The following CFAP61 variants were observed in gnomAD, a reference collection of about 807,000 sequenced individuals.
The protein encoded by CFAP61 is cilia- and flagella-associated protein 61.
In CFAP61, 107 loss-of-function variants were observed where a neutral mutation model predicts 135.6. The observed-to-expected ratio is 0.79, with a 90% CI of 0.67 to 0.93. The LOEUF is 0.93. Among genes scored for constraint, CFAP61 ranks in the 40% least tolerant of loss-of-function variants. The pLI is 0.00. For missense variants in CFAP61, 1,507 were observed against 1,556.2 expected, an observed-to-expected ratio of 0.97 and a Z score of 0.53; for synonymous variants, 575 against 578.5, an observed-to-expected ratio of 0.99 and a Z score of 0.09.
rs372529723 is a variant in CFAP61, at chr20:20,277,193, T to C, written c.2531T>C (p.Ile844Thr). The part of the protein sequence containing the change: ...EGNIIVYGNT[I>T]DTYTTVETLL... ...AATATCATTGTCTATGGGAATACAA[T>C]TGATACTTACACCACCGTGGAGACG... The change falls in exon 22 of 27, where the codon ATT (isoleucine) becomes ACT (threonine). Residue 844 changes from isoleucine (I) to threonine (T), a missense_variant. By Grantham distance (89) the Ile-to-Thr change is moderately conservative. Transcript: ENST00000245957. The C allele has an allele frequency of 4.3e-5, 69 of 1,612,748 alleles. No homozygotes were observed. The highest frequency in any genetic ancestry group is 5.4e-5 in the Non-Finnish European group (64 of 1,179,226).
At chr20:20,303,532 C>T (rs1259757589) in intron 25 of CFAP61, among the ~76,000 whole-genome samples, 2 of 152,070 alleles carry the variant, frequency 1.3e-5, no homozygotes, top group Non-Finnish European at 2.9e-5. Context: ...CATGCAGCTG[C>T]GACCACATTC....
At chr20:20,087,019 C>T (rs373519552) in intron 6 of CFAP61, among the ~76,000 whole-genome samples, 2 of 152,044 alleles carry the variant, frequency 1.3e-5, no homozygotes, top group African/African-American at 2.4e-5. Context: ...CTTCTAGAGA[C>T]AATAAGTAAA....
At chr20:20,062,515 C>T (rs185974147) in intron 2 of CFAP61, among the ~76,000 whole-genome samples, 4 of 151,534 alleles carry the variant, frequency 2.6e-5, no homozygotes, top group South Asian at 2.1e-4. Flanking sequence ...AGGACAAGAG[C>T]GCATATTAAT....
At chr20:20,258,819 A>G (rs1569205013) in intron 20 of CFAP61, among the ~76,000 whole-genome samples, 1 of 152,206 alleles carries the variant, frequency 6.6e-6, no homozygotes, top group African/African-American at 2.4e-5. Flanking sequence ...TGGAACTCTC[A>G]CCATACACTG....
At chr20:20,265,862 ATCCAGGTC>A (rs1450743765) in intron 21 of CFAP61, 3 of 199,788 alleles carry the variant, frequency 1.5e-5, no homozygotes, top group African/African-American at 7.1e-5. Flanking sequence ...CTTTTCTGTA[ATCCAGGTC>A]ATACTCAGAC....
intron 24 of CFAP61, 64 bp from the exon 25 acceptor site, chr20:20,298,117 A>T (rs1184371478): frequency 1.2e-5 from 14 of 1,161,140 alleles, no homozygotes; most frequent in South Asian, 1.0e-4. Flanking sequence ...AATTGCTATG[A>T]TAAAGTTCCC....
Position 20,359,390 on chromosome 20 carries a change from C to T in CFAP61, c.3514-820C>T, listed in dbSNP as rs976451060. Among the ~76,000 whole-genome samples the T allele has an allele frequency of 4.6e-5, 7 of 152,054 alleles. No individual in the cohort carries two copies. Among genetic ancestry groups the T allele is most frequent in the South Asian group, 4.2e-4 (2 of 4,800 alleles). On this transcript the variant is annotated intron_variant, in intron 26 of 26. Coordinates refer to ENST00000245957, the MANE Select transcript of CFAP61 (RefSeq NM_015585.4). The surrounding 1 kb of genome is among the most constrained non-coding windows in gnomAD (Gnocchi z 4.0). The stretch of plus-strand genomic sequence containing the variant: ...TTTTATTTTTAAAACAGAGGCAGGG[C>T]GTGGTGGCTCATGCCTGTAATCCCA...
At chr20:20,183,021 G>C (rs760192176) in intron 13 of CFAP61, among the ~76,000 whole-genome samples, 1 of 152,122 alleles carries the variant, frequency 6.6e-6, no homozygotes. Context: ...TAGTTAAAGC[G>C]AAAACAAACA....
chr20:20,188,148 G>C (rs1415475229), intron 14 of CFAP61, 92 bp downstream of exon 14: 2 of 1,381,308 alleles, frequency 1.4e-6, no homozygotes, highest in Non-Finnish European at 2.0e-6. Context: ...ATCTGAGTTG[G>C]AAAATCATAT....
chr20:20,153,214 G>A (rs2052598789), intron 9 of CFAP61, among the ~76,000 whole-genome samples: 2 of 152,150 alleles, frequency 1.3e-5, no homozygotes, highest in African/African-American at 2.4e-5. Context: ...CTGGGACACA[G>A]CAAAAGTGGT....
chr20:20,228,193 A>AT, intron 17 of CFAP61, 56 bp from the exon 18 acceptor site: 1 of 1,548,468 alleles, frequency 6.5e-7, no homozygotes, highest in African/African-American at 1.4e-5. Flanking sequence ...ATTTGAGGGT[A>AT]TGAACACTGC....
chr20:20,244,894 T>C (rs2050318770), intron 18 of CFAP61, among the ~76,000 whole-genome samples: 1 of 152,182 alleles, frequency 6.6e-6, no homozygotes, highest in Admixed American at 6.5e-5. Flanking sequence ...ATACCCTAAA[T>C]TATCTCTCTC....
intron 21 of CFAP61, among the ~76,000 whole-genome samples, chr20:20,276,212 C>A (rs2053748328): frequency 6.6e-6 from 1 of 152,194 alleles, no homozygotes; most frequent in African/African-American, 2.4e-5. Flanking sequence ...AATACACTTG[C>A]CATTTATTTT....
chr20:20,065,254 T>C lies in CFAP61; in HGVS notation c.144-5600T>C, dbSNP rs946913734. On this transcript the variant is annotated intron_variant, in intron 2 of 26. Coordinates refer to ENST00000245957, the MANE Select transcript of CFAP61 (RefSeq NM_015585.4). ...CAAATTCATTTATCCAGCTTCCTGGTGAATGCCAACCCTTGGATACCTAGT... is the reference window on the plus strand; with the variant it reads ...CAAATTCATTTATCCAGCTTCCTGGCGAATGCCAACCCTTGGATACCTAGT... Among the ~76,000 whole-genome samples, 3 of 152,112 alleles carry C rather than the reference T, an allele frequency of 2.0e-5. No homozygotes were observed. The East Asian group carries it at 5.8e-4, about 29-fold the overall frequency.
Position 20,084,557 on chromosome 20 carries a change from C to T in CFAP61, c.567-6287C>T, listed in dbSNP as rs576905885. Among the ~76,000 whole-genome samples, 22 of 152,272 alleles carry T rather than the reference C, an allele frequency of 1.4e-4. No individual in the cohort carries two copies. The East Asian group carries it at 4.2e-3, about 29-fold the overall frequency. ...GGGAAGCAGGCCTGCAGGTTTTCCTCTGGGGCCGTAATCATGTAGTGCAGC... is the reference window on the plus strand; with the variant it reads ...GGGAAGCAGGCCTGCAGGTTTTCCTTTGGGGCCGTAATCATGTAGTGCAGC... On this transcript the variant is annotated intron_variant, in intron 6 of 26. Coordinates refer to ENST00000245957, the MANE Select transcript of CFAP61 (RefSeq NM_015585.4).
At position 20,075,251 on chromosome 20, in the gene CFAP61, G is replaced by A. The variant is rs2045969552; in HGVS notation, c.434G>A (p.Ser145Asn). 1.9e-6 allele frequency: 3 copies of A among 1,614,050 alleles called. No individual in the cohort carries two copies. The highest frequency in any genetic ancestry group is 2.5e-6 in the Non-Finnish European group (3 of 1,179,964). The change falls in exon 5 of 27, where the codon AGC becomes AAC. Residue 145 changes from serine (S) to asparagine (N), a missense_variant. Ser to Asn is a conservative substitution (Grantham distance 46). Coordinates refer to ENST00000245957, the MANE Select transcript of CFAP61 (RefSeq NM_015585.4). ...FIFLIVPSYM[S>N]LGSTLITVFD... ...TTTCTCATCGTGCCATCCTACATGA[G>A]CCTAGGTAAGGCCCGCCCAACCACC...
chr20:20,200,021 C>G, intron 17 of CFAP61, 119 bp downstream of exon 17: 1 of 1,197,726 alleles, frequency 8.3e-7, no homozygotes, highest in South Asian at 1.4e-5. Flanking sequence ...GAACCTGGTG[C>G]TCATACCCTT....
intron 25 of CFAP61, 75 bp from the exon 26 acceptor site, chr20:20,341,755 CA>C (rs2058451639): frequency 5.8e-6 from 6 of 1,042,402 alleles, no homozygotes; most frequent in African/African-American, 1.6e-5. Context: ...TTTATAAAGG[CA>C]AAAAAGCAGG....
chr20:20,241,121 A>G (rs2049988079), intron 18 of CFAP61, among the ~76,000 whole-genome samples: 1 of 152,164 alleles, frequency 6.6e-6, no homozygotes, highest in Admixed American at 6.5e-5. Flanking sequence ...ACTTGAAGAG[A>G]AGATAGGTTT....
Sources: allele counts gnomAD v4.1 joint callset (sites outside exome capture counted in the v4.1 genomes callset), GRCh38; gene constraint gnomAD v4.1.1; non-coding constraint Gnocchi (gnomAD v3.1); transcripts MANE v1.5; gene names NCBI Gene and HGNC (gene_info 2026-07-23, HGNC 2026-07-21).